Variants in BLZF1 observed in about 807,000 individuals in gnomAD.
BLZF1 encodes basic leucine zipper nuclear factor 1.
A neutral mutation model predicts 43.8 loss-of-function variants in BLZF1; 39 were observed. The ratio of observed to expected loss-of-function variants is 0.89; its 90% CI spans 0.69 to 1.16. The LOEUF is 1.16. BLZF1 is among the 50% of genes most tolerant of loss of function. The pLI is 0.00. For synonymous variants in BLZF1, 136 were observed against 159.4 expected (o/e 0.85, Z 1.11); for missense variants, 449 against 469.8 (o/e 0.96, Z 0.41).
At chr1:169,389,472 A>G (rs139354262), downstream of BLZF1, among the ~76,000 whole-genome samples, 22 of 152,380 alleles carry the variant, frequency 1.4e-4, no homozygotes, top group African/African-American at 5.0e-4. Flanking sequence ...AAAGCAAATT[A>G]TAAATGTCAA....
intron 7 of BLZF1, chr1:169,394,878 CTG>C (rs746721234): frequency 1.8e-6 from 1 of 552,640 alleles, no homozygotes; most frequent in Non-Finnish European, 3.0e-6. Context: ...CATTACAACA[CTG>C]TGAGAAAAAA....
rs116716791 is a variant in BLZF1, at chr1:169,382,442, C to T, written c.1017+161C>T. On this transcript the variant is annotated intron_variant, in intron 6 of 6. Coordinates refer to ENST00000367808, the MANE Select transcript of BLZF1 (RefSeq NM_001320973.2). ...ATCTTGGAGAAAATTATTTCCTCTT[C>T]TGCGCTTTAATATTTTCTAACACTA... Among the ~76,000 whole-genome samples, 1,335 of 152,226 alleles carry T rather than the reference C, an allele frequency of 8.8e-3. 20 individuals carry two copies. The highest frequency in any genetic ancestry group is 0.03 in the African/African-American group (1,254 of 41,536).
At chr1:169,382,694 G>A (rs755045697) in intron 6 of BLZF1, among the ~76,000 whole-genome samples, 1 of 152,152 alleles carries the variant, frequency 6.6e-6, no homozygotes, top group Non-Finnish European at 1.5e-5. Flanking sequence ...AGTACAGATA[G>A]TATAGTCCTG....
chr1:169,375,424 ATATATATG>A (rs2102009668), intron 2 of BLZF1, among the ~76,000 whole-genome samples: 1 of 126,898 alleles, frequency 7.9e-6, no homozygotes, highest in African/African-American at 3.1e-5. Context: ...ATATATATAT[ATATATATG>A]GTCTGGCTGG....
chr1:169,373,987 CTG>C (rs944228323), intron 2 of BLZF1, among the ~76,000 whole-genome samples: 57 of 151,922 alleles, frequency 3.8e-4, no homozygotes, highest in African/African-American at 1.2e-3. Flanking sequence ...ATACATGATT[CTG>C]TGTTACTTCT....
At chr1:169,389,679 A>G (rs1304253344), downstream of BLZF1, among the ~76,000 whole-genome samples, 1 of 152,242 alleles carries the variant, frequency 6.6e-6, no homozygotes, top group Non-Finnish European at 1.5e-5. Flanking sequence ...ATTATTCACA[A>G]TAGCCAAAAG....
chr1:169,369,383 A>C, intron 1 of BLZF1, 90 bp from the exon 2 acceptor site: 1 of 622,682 alleles, frequency 1.6e-6, no homozygotes, highest in Non-Finnish European at 2.7e-6. Context: ...TAAATACAGA[A>C]GCAATTAAAA....
chr1:169,382,560 A>T (rs988884799), intron 6 of BLZF1, among the ~76,000 whole-genome samples: 1 of 152,222 alleles, frequency 6.6e-6, no homozygotes, highest in Non-Finnish European at 1.5e-5. Context: ...TCATGAGTTC[A>T]TTTTGATATA....
intron 2 of BLZF1, among the ~76,000 whole-genome samples, chr1:169,376,000 G>C (rs1654328918): frequency 6.6e-6 from 1 of 151,990 alleles, no homozygotes; most frequent in Middle Eastern, 3.2e-3. Flanking sequence ...TAAACTGTTA[G>C]GCCTAAGAAT....
chr1:169,379,198 A>G (rs1217436449), intron 4 of BLZF1, among the ~76,000 whole-genome samples: 1 of 152,066 alleles, frequency 6.6e-6, no homozygotes, highest in Non-Finnish European at 1.5e-5. Flanking sequence ...TTTATAGAGT[A>G]TGTTTCATAA....
chr1:169,383,662 C>G (rs1654588545), intron 6 of BLZF1, among the ~76,000 whole-genome samples: 1 of 152,136 alleles, frequency 6.6e-6, no homozygotes, highest in Admixed American at 6.5e-5. Flanking sequence ...CTGGAAACTC[C>G]CTTGACCTTT....
intron 3 of BLZF1, 115 bp from the exon 4 acceptor site, chr1:169,378,215 T>A (rs1654423227): frequency 1.1e-6 from 1 of 944,260 alleles, no homozygotes; most frequent in African/African-American, 1.7e-5. Flanking sequence ...GATAGAAACT[T>A]CAAGTCACGG....
At chr1:169,391,346 C>T (rs1335806698), downstream of BLZF1, among the ~76,000 whole-genome samples, 1 of 152,164 alleles carries the variant, frequency 6.6e-6, no homozygotes, top group Non-Finnish European at 1.5e-5. Context: ...ACAGGACAGC[C>T]TTCAAGGGGG....
intron 5 of BLZF1, 108 bp from the exon 6 acceptor site, chr1:169,381,954 A>C: frequency 1.2e-6 from 1 of 860,398 alleles, no homozygotes; most frequent in Non-Finnish European, 1.8e-6. Context: ...AAGGGATCAG[A>C]GAAAGATGTT....
chr1:169,395,232 T>G, intron 7 of BLZF1: 1 of 1,597,554 alleles, frequency 6.3e-7, no homozygotes. Context: ...TGATCAGATT[T>G]GGTGAGTATC....
At chr1:169,372,429 A>G (rs1654153924) in intron 2 of BLZF1, among the ~76,000 whole-genome samples, 1 of 152,172 alleles carries the variant, frequency 6.6e-6, no homozygotes, top group Admixed American at 6.5e-5. Flanking sequence ...CAGACTAATG[A>G]GCTTCAGTAA....
chr1:169,384,092 C>G (rs1654602372), intron 6 of BLZF1, among the ~76,000 whole-genome samples: 1 of 151,924 alleles, frequency 6.6e-6, no homozygotes, highest in African/African-American at 2.4e-5. Context: ...TGTACAACCC[C>G]CCACCCCTAA....
intron 2 of BLZF1, among the ~76,000 whole-genome samples, chr1:169,370,346 C>T (rs555694516): frequency 2.6e-5 from 4 of 152,236 alleles, no homozygotes; most frequent in African/African-American, 9.6e-5. Context: ...ATTTGGGGGA[C>T]ACAATTCAAC....
chr1:169,395,918 A>G (rs1225911014), exon 8 of BLZF1: 1 of 150,762 alleles, frequency 6.6e-6, no homozygotes, highest in African/African-American at 2.4e-5. Flanking sequence ...TAACTGTATT[A>G]GAAAAAAAAG....
Sources: allele counts gnomAD v4.1 joint callset (sites outside exome capture counted in the v4.1 genomes callset), GRCh38; gene constraint gnomAD v4.1.1; transcripts MANE v1.5; gene names NCBI Gene and HGNC (gene_info 2026-07-23, HGNC 2026-07-21).